Variants in IQGAP1 observed in about 807,000 individuals in gnomAD.
The protein encoded by IQGAP1 is IQ motif containing GTPase activating protein 1.
Under a neutral mutation model 215.6 loss-of-function variants are expected in IQGAP1, and 66 were observed. The ratio of observed to expected loss-of-function variants is 0.31; its 90% CI spans 0.25 to 0.38. The LOEUF (loss-of-function observed/expected upper bound fraction) is 0.38, where lower values mean the gene tolerates loss of function less well. IQGAP1 is among the 10% of genes least tolerant of loss of function. The probability of loss-of-function intolerance (pLI) is 1.00; values close to 1 mark genes in which losing one functional copy is unlikely to be tolerated. For synonymous variants in IQGAP1, 772 were observed against 728.7 expected (o/e 1.06, Z -0.96); for missense variants, 1,712 against 1,997.1 (o/e 0.86, Z 2.72).
intron 2 of IQGAP1, among the ~76,000 whole-genome samples, chr15:90,411,236 C>A (rs1337210385): frequency 6.6e-6 from 1 of 152,076 alleles, no homozygotes; most frequent in Non-Finnish European, 1.5e-5. Context: ...GCACTGTTAG[C>A]CTTAGAAGGC....
At chr15:90,421,806 A>C (rs1264120363) in intron 2 of IQGAP1, among the ~76,000 whole-genome samples, 3 of 152,154 alleles carry the variant, frequency 2.0e-5, no homozygotes, top group Non-Finnish European at 2.9e-5. Context: ...GATTGCAGGC[A>C]TACTCCACCA....
chr15:90,449,785 G>A lies in IQGAP1; in HGVS notation c.1162+142G>A, dbSNP rs1335721737. On this transcript the variant is annotated intron_variant, in intron 11 of 37. Coordinates refer to ENST00000268182, the MANE Select transcript of IQGAP1 (RefSeq NM_003870.4). The stretch of plus-strand genomic sequence containing the variant: ...TGCCAGGTACTTTTGGTGGCAGGAG[G>A]GTTCCTCCAGTTTGTTGTTGTGGTG... 5 of 586,064 alleles carry A rather than the reference G, an allele frequency of 8.5e-6. No individual in the cohort carries two copies. The African/African-American group carries it at 9.6e-5, about 11-fold the overall frequency. 36.3% of individuals were successfully genotyped at this position (586,064 alleles called of 1,614,324 possible).
chr15:90,427,361 C>G (rs1047901414), intron 3 of IQGAP1, among the ~76,000 whole-genome samples: 2 of 152,172 alleles, frequency 1.3e-5, no homozygotes, highest in African/African-American at 2.4e-5. Context: ...GAAAGTGATT[C>G]AGTTTCAGAA....
At chr15:90,427,466 C>T (rs1965239439) in intron 3 of IQGAP1, among the ~76,000 whole-genome samples, 1 of 151,842 alleles carries the variant, frequency 6.6e-6, no homozygotes, top group South Asian at 2.1e-4. Flanking sequence ...TGGGCCAGGC[C>T]CAGTAGTTCA....
At chr15:90,396,932 A>G (rs1295510307) in intron 2 of IQGAP1, among the ~76,000 whole-genome samples, 1 of 151,786 alleles carries the variant, frequency 6.6e-6, no homozygotes, top group Non-Finnish European at 1.5e-5. Flanking sequence ...GGCTCACCAC[A>G]ACCTCTGCCT....
chr15:90,395,363 C>T lies in IQGAP1; in HGVS notation c.155+4490C>T, dbSNP rs564471370. ...TGAAACGGAGTCTCGCTCTGTCGCC[C>T]GGGCCAGAGTGCAATGACGCTATCT... On this transcript the variant is annotated intron_variant, in intron 2 of 37. Transcript: ENST00000268182. Among the ~76,000 whole-genome samples, 6 of 151,972 alleles carry T rather than the reference C, an allele frequency of 3.9e-5. No homozygotes were observed. In the South Asian group the frequency reaches 8.3e-4, roughly 21 times the overall value.
At chr15:90,436,801 A>C (rs1433020097) in intron 5 of IQGAP1, among the ~76,000 whole-genome samples, 2 of 152,218 alleles carry the variant, frequency 1.3e-5, no homozygotes, top group Non-Finnish European at 1.5e-5. Flanking sequence ...GAATCCTTTC[A>C]TAGCTCCAGT....
chr15:90,475,516 C>T lies in IQGAP1; in HGVS notation c.2784+823C>T, dbSNP rs191955220. Among the ~76,000 whole-genome samples the T allele has an allele frequency of 7.3e-3, 1,109 of 151,652 alleles. 12 individuals are homozygous for T. Among genetic ancestry groups the T allele is most frequent in the Non-Finnish European group, 0.011 (752 of 67,858 alleles). On this transcript the variant is annotated intron_variant, in intron 23 of 37. Transcript: ENST00000268182. ...CTATAATCCCAGCACTTTGGGAGGC[C>T]GAGAAGGGCGGATCACTTGAAGCCA...
At chr15:90,391,094 C>T (rs1596243347) in intron 2 of IQGAP1, 2 of 424,230 alleles carry the variant, frequency 4.7e-6, no homozygotes, top group African/African-American at 2.0e-5. Flanking sequence ...AAAAATTAGC[C>T]AGGCATGGTG....
At chr15:90,461,136 A>G (rs908765262) in intron 15 of IQGAP1, among the ~76,000 whole-genome samples, 4 of 151,780 alleles carry the variant, frequency 2.6e-5, no homozygotes, top group Admixed American at 6.6e-5. Context: ...GTGAAACTCC[A>G]TCTCTACTAA....
At position 90,452,854 on chromosome 15, in the gene IQGAP1, C is replaced by T. The variant is rs770596390; in HGVS notation, c.1242C>T (p.Pro414=). ...AGACTGTTTTGGAACTGATGAATCC[C>T]GAAGCCCAGCTGCCCCAGGTGTATC... ...AEKTVLELMN[P]EAQLPQVYPF... Residue 414 remains proline (P), a synonymous_variant, in exon 12 of 38, where the codon CCC becomes CCT. Coordinates refer to ENST00000268182, the MANE Select transcript of IQGAP1 (RefSeq NM_003870.4). The T allele has an allele frequency of 1.1e-5, 18 of 1,613,996 alleles. No individual in the cohort carries two copies. The highest frequency in any genetic ancestry group is 3.3e-4 in the Middle Eastern group (2 of 6,076).
At chr15:90,445,708 T>C (rs1446548514) in intron 9 of IQGAP1, among the ~76,000 whole-genome samples, 1 of 152,224 alleles carries the variant, frequency 6.6e-6, no homozygotes, top group African/African-American at 2.4e-5. Flanking sequence ...ACAATAATAA[T>C]AGTAATTGTT....
chr15:90,477,754 A>C lies in IQGAP1; in HGVS notation c.3194A>C (p.Gln1065Pro). Residue 1065 changes from glutamine (Q) to proline (P), a missense_variant, in exon 26 of 38, where the codon CAG (glutamine) becomes CCG (proline). Gln to Pro is a moderately conservative substitution (Grantham distance 76). This residue lies in a region of IQGAP1 where 691 missense variants were observed against 923.0 expected (regional missense o/e 0.75). Coordinates refer to ENST00000268182, the MANE Select transcript of IQGAP1 (RefSeq NM_003870.4). ...VVSFNRGARG[Q>P]NALRQILAPV... ...AGTTTCAACCGTGGTGCCCGTGGCC[A>C]GAATGCCCTGAGACAGATCTTGGCC... The C allele has an allele frequency of 6.2e-7, 1 of 1,614,060 alleles. No individual in the cohort carries two copies. Among genetic ancestry groups the C allele is most frequent in the Non-Finnish European group, 8.5e-7 (1 of 1,179,940 alleles).
intron 25 of IQGAP1, among the ~76,000 whole-genome samples, 168 bp from the exon 26 acceptor site, chr15:90,477,497 G>T (rs994821302): frequency 6.6e-6 from 1 of 151,168 alleles, no homozygotes; most frequent in Non-Finnish European, 1.5e-5. Context: ...ATCTAGTAGC[G>T]GACCCAATCA....
chr15:90,464,126 A>G (rs1443626994), intron 15 of IQGAP1, among the ~76,000 whole-genome samples: 2 of 152,224 alleles, frequency 1.3e-5, no homozygotes, highest in South Asian at 2.1e-4. Context: ...CGAGCAATCT[A>G]AATGAATTTT....
At chr15:90,486,185 G>T in intron 31 of IQGAP1, 53 bp downstream of exon 31, 2 of 1,250,724 alleles carry the variant, frequency 1.6e-6, no homozygotes, top group Non-Finnish European at 2.3e-6. Context: ...ACAGAAAAGT[G>T]TTGTAATTGT....
chr15:90,458,487 TC>T (rs769191857), intron 15 of IQGAP1, among the ~76,000 whole-genome samples: 5 of 152,114 alleles, frequency 3.3e-5, no homozygotes, highest in Non-Finnish European at 7.4e-5. Context: ...GATATAAGGC[TC>T]CCTTTGGACT....
In IQGAP1 at chr15:90,483,574, C is replaced by A. The variant is rs758123564; in HGVS notation, c.3769C>A (p.Gln1257Lys). The A allele has an allele frequency of 1.2e-6, 2 of 1,610,766 alleles. No individual in the cohort carries two copies. Among genetic ancestry groups the A allele is most frequent in the Non-Finnish European group, 1.7e-6 (2 of 1,178,532 alleles). ...AAGCATCATTAATGAATATCTTTCC[C>A]AGTCCTACCAGAAATTCAGGTAAGG... is the stretch of plus-strand genomic sequence containing the variant. Reference protein sequence around the residue: ...HLSIINEYLSQSYQKFRRFFQ... With the variant: ...HLSIINEYLSKSYQKFRRFFQ... Residue 1257 changes from glutamine (Q) to lysine (K), a missense_variant, in exon 29 of 38, where the codon CAG (glutamine) becomes AAG (lysine). This residue lies in a region of IQGAP1 where 691 missense variants were observed against 923.0 expected (regional missense o/e 0.75). Transcript: ENST00000268182.
rs1001078249 is a variant in IQGAP1 at position 90,486,400 on chromosome 15, A to G, written c.4024+268A>G. 21 of 282,544 alleles carry G rather than the reference A, an allele frequency of 7.4e-5. 1 individual carries two copies. Among genetic ancestry groups the G allele is most frequent in the Non-Finnish European group, 8.0e-5 (12 of 150,352 alleles). 17.5% of individuals were successfully genotyped at this position (282,544 alleles called of 1,614,324 possible). ...TGCCAGCTTGTGTTTTTTTAAAAAAATTGCAGATACATAAATTAAAAGTCC... is the reference window on the plus strand; with the variant it reads ...TGCCAGCTTGTGTTTTTTTAAAAAAGTTGCAGATACATAAATTAAAAGTCC... On this transcript the variant is annotated intron_variant, in intron 31 of 37. Transcript: ENST00000268182.
Sources: allele counts gnomAD v4.1 joint callset (sites outside exome capture counted in the v4.1 genomes callset), GRCh38; gene constraint gnomAD v4.1.1; regional missense constraint gnomAD v4.1.1; transcripts MANE v1.5; gene names NCBI Gene and HGNC (gene_info 2026-07-23, HGNC 2026-07-21).